The following BIRC6 variants were observed in gnomAD, a reference collection of about 807,000 sequenced individuals.
BIRC6 encodes the protein dual E2 ubiquitin-conjugating enzyme/E3 ubiquitin-protein ligase BIRC6.
Under a neutral mutation model 503.3 loss-of-function variants are expected in BIRC6, and 98 were observed. That is an observed-to-expected ratio of 0.19 (90% CI 0.17 to 0.23). The LOEUF (loss-of-function observed/expected upper bound fraction) is 0.23, where lower values mean the gene tolerates loss of function less well. Ranked by LOEUF, BIRC6 falls within the 10% of genes least tolerant of loss-of-function variation. The probability of loss-of-function intolerance (pLI) is 1.00; values close to 1 mark genes in which losing one functional copy is unlikely to be tolerated. For missense variants in BIRC6, 5,360 were observed against 5,806.0 expected (o/e 0.92, Z 2.50); for synonymous variants, 2,240 against 2,078.7 (o/e 1.08, Z -2.11).
At chr2:32,461,038 T>TCTCCTCTCC (rs1558789422) in intron 23 of BIRC6, among the ~76,000 whole-genome samples, 1 of 63,334 alleles carries the variant, frequency 1.6e-5, no homozygotes, top group East Asian at 4.0e-4. Flanking sequence ...TTCTCTTCTC[T>TCTCCTCTCC]TCTCTTCTCT....
intron 9 of BIRC6, among the ~76,000 whole-genome samples, chr2:32,409,308 C>T (rs2041595200): frequency 6.6e-6 from 1 of 151,848 alleles, no homozygotes; most frequent in Admixed American, 6.6e-5. Context: ...TACAGGCGCC[C>T]ACCACCACAC....
chr2:32,443,605 T>A lies in BIRC6; in HGVS notation c.4336+17T>A. The A allele has an allele frequency of 6.6e-7, 1 of 1,525,192 alleles. No individual in the cohort carries two copies. The highest frequency in any genetic ancestry group is 9.0e-7 in the Non-Finnish European group (1 of 1,113,894). The allele number at this position is 1,525,192 out of a possible 1,614,324, so 94.5% of individuals were successfully genotyped here. A position where few individuals can be genotyped will look rare whatever the true frequency, so the allele number is the denominator to read the frequency against. On this transcript the variant is annotated intron_variant, in intron 20 of 73. Coordinates refer to ENST00000421745, the MANE Select transcript of BIRC6 (RefSeq NM_016252.4). ...CAACTGGTGGTATGTAAAATTAATT[T>A]AATCACAAATAGTTATAGTCATATG...
intron 54 of BIRC6, among the ~76,000 whole-genome samples, chr2:32,514,058 T>C (rs2054743947): frequency 6.6e-6 from 1 of 152,224 alleles, no homozygotes; most frequent in South Asian, 2.1e-4. Context: ...AGCGAGACTC[T>C]GTCTCAAAAA....
chr2:32,498,103 A>G (rs2052700655), intron 45 of BIRC6, among the ~76,000 whole-genome samples: 1 of 152,098 alleles, frequency 6.6e-6, no homozygotes, highest in South Asian at 2.1e-4. Context: ...GCTCTGTCGC[A>G]CAGGTTGGAG....
At chr2:32,489,973 C>G in intron 42 of BIRC6, 68 bp from the exon 43 acceptor site, 2 of 1,087,238 alleles carry the variant, frequency 1.8e-6, no homozygotes, top group Non-Finnish European at 2.8e-6. Context: ...TAAATTTATT[C>G]TTTTGACTTA....
chr2:32,480,651 T>G (rs1348055680), intron 37 of BIRC6, among the ~76,000 whole-genome samples: 2 of 111,626 alleles, frequency 1.8e-5, no homozygotes, highest in Non-Finnish European at 3.7e-5. Flanking sequence ...TTTTTTTTTT[T>G]TTTTTTTGAG....
chr2:32,473,305 A>C, intron 33 of BIRC6, 66 bp downstream of exon 33: 1 of 1,326,732 alleles, frequency 7.5e-7, no homozygotes, highest in Non-Finnish European at 1.0e-6. Context: ...TGCATGAGAC[A>C]GATGTGCCAT....
At chr2:32,499,371 A>G (rs1417278688) in intron 45 of BIRC6, among the ~76,000 whole-genome samples, 176 bp from the exon 46 acceptor site, 1 of 152,202 alleles carries the variant, frequency 6.6e-6, no homozygotes, top group Non-Finnish European at 1.5e-5. Flanking sequence ...TCCAAAAGAG[A>G]TGAAAACTAT....
chr2:32,531,254 TG>T, intron 60 of BIRC6, 100 bp from the exon 61 acceptor site: 3 of 982,768 alleles, frequency 3.1e-6, no homozygotes, highest in Non-Finnish European at 4.4e-6. Context: ...TGCTCTTTTT[TG>T]AGTAGCAAGA....
At chr2:32,503,815 C>G (rs1043865585) in intron 49 of BIRC6, among the ~76,000 whole-genome samples, 1 of 152,082 alleles carries the variant, frequency 6.6e-6, no homozygotes, top group Non-Finnish European at 1.5e-5. Flanking sequence ...AACAGAGATT[C>G]TTCCGTAAGT....
intron 38 of BIRC6, among the ~76,000 whole-genome samples, 184 bp from the exon 39 acceptor site, chr2:32,482,245 G>A (rs1249403996): frequency 6.6e-6 from 1 of 152,180 alleles, no homozygotes; most frequent in African/African-American, 2.4e-5. Context: ...GATTTTGGCA[G>A]AAAGTGAGGA....
intron 45 of BIRC6, among the ~76,000 whole-genome samples, chr2:32,498,084 T>C (rs1189929553): frequency 6.6e-6 from 1 of 152,194 alleles, no homozygotes; most frequent in Admixed American, 6.5e-5. Context: ...TTTGAGACAG[T>C]GTTTGTTTGC....
At chr2:32,583,671 ATTAGT>A (rs2060835215) in intron 66 of BIRC6, among the ~76,000 whole-genome samples, 1 of 152,202 alleles carries the variant, frequency 6.6e-6, no homozygotes. Flanking sequence ...CATTTGGTAC[ATTAGT>A]TTAATAGCAT....
At chr2:32,529,549 G>C in intron 59 of BIRC6, 102 bp from the exon 60 acceptor site, 1 of 1,120,320 alleles carries the variant, frequency 8.9e-7, no homozygotes, top group Non-Finnish European at 1.2e-6. Context: ...ATTGGTTTCA[G>C]AATCAAACTC....
intron 65 of BIRC6, among the ~76,000 whole-genome samples, chr2:32,568,491 CAAA>C (rs59954195): frequency 3.6e-4 from 39 of 108,890 alleles, no homozygotes; most frequent in Non-Finnish European, 4.8e-4. Context: ...GACCTTGGCG[CAAA>C]AAAAAAAAAA....
chr2:32,368,165 G>A (rs546331175), intron 1 of BIRC6, among the ~76,000 whole-genome samples: 1 of 152,196 alleles, frequency 6.6e-6, no homozygotes, highest in African/African-American at 2.4e-5. Flanking sequence ...GGCCTGGAGT[G>A]CAGCCCAGGC....
chr2:32,471,831 A>T (rs2049145349), intron 32 of BIRC6, among the ~76,000 whole-genome samples: 1 of 152,154 alleles, frequency 6.6e-6, no homozygotes, highest in Non-Finnish European at 1.5e-5. Flanking sequence ...AAGCCATTGA[A>T]ATCCATAAAA....
intron 22 of BIRC6, 54 bp from the exon 23 acceptor site, chr2:32,453,754 A>C: frequency 1.3e-6 from 2 of 1,544,990 alleles, no homozygotes; most frequent in Admixed American, 1.7e-5. Context: ...TGTTGTGACT[A>C]TTGCTTTTTA....
intron 50 of BIRC6, among the ~76,000 whole-genome samples, chr2:32,506,644 C>T (rs1045671529): frequency 6.6e-6 from 1 of 152,102 alleles, no homozygotes; most frequent in African/African-American, 2.4e-5. Context: ...AGGGGGAACC[C>T]CTGTGAAAAA....
Sources: allele counts gnomAD v4.1 joint callset (sites outside exome capture counted in the v4.1 genomes callset), GRCh38; gene constraint gnomAD v4.1.1; transcripts MANE v1.5; gene names NCBI Gene and HGNC (gene_info 2026-07-23, HGNC 2026-07-21).